Variants in SLC13A1 observed in about 807,000 individuals in gnomAD.
SLC13A1 encodes the protein Na(+)/sulfate cotransporter.
In SLC13A1, 65 loss-of-function variants were observed where a neutral mutation model predicts 70.0. The ratio of observed to expected loss-of-function variants is 0.93; its 90% CI spans 0.76 to 1.14. SLC13A1 has a LOEUF of 1.14. SLC13A1 is among the 50% of genes most tolerant of loss of function. The probability of loss-of-function intolerance (pLI) is 0.00; values close to 1 mark genes in which losing one functional copy is unlikely to be tolerated. For missense variants in SLC13A1, 726 were observed against 717.8 expected (o/e 1.01, Z -0.13); for synonymous variants, 275 against 250.5 (o/e 1.10, Z -0.92).
At chr7:123,166,664 G>A (rs146357807) in intron 6 of SLC13A1, among the ~76,000 whole-genome samples, 26,991 of 151,844 alleles carry the variant, frequency 0.18, 3,084 homozygotes, top group Admixed American at 0.27. Flanking sequence ...TTGTCCTTGC[G>A]ATAGTTTGCT....
At chr7:123,150,713 G>A (rs534222878) in intron 6 of SLC13A1, among the ~76,000 whole-genome samples, 1 of 152,130 alleles carries the variant, frequency 6.6e-6, no homozygotes, top group South Asian at 2.1e-4. Context: ...AGTCCCCTTA[G>A]CAAGCATCTA....
At chr7:123,146,458 T>C (rs549715359) in intron 7 of SLC13A1, among the ~76,000 whole-genome samples, 131 of 152,248 alleles carry the variant, frequency 8.6e-4, no homozygotes, top group African/African-American at 2.9e-3. Context: ...AAAGTTGCAG[T>C]GAGCTGAGAT....
At chr7:123,142,721 G>A (rs934472905) in intron 7 of SLC13A1, among the ~76,000 whole-genome samples, 5 of 141,708 alleles carry the variant, frequency 3.5e-5, no homozygotes, top group African/African-American at 1.1e-4. Context: ...AAATTCAAGC[G>A]ATTCTCCTGC....
At chr7:123,181,239 G>T in intron 1 of SLC13A1, 138 bp from the exon 2 acceptor site, 1 of 778,964 alleles carries the variant, frequency 1.3e-6, no homozygotes, top group Non-Finnish European at 1.9e-6. Flanking sequence ...TCTTTGAGTT[G>T]CCCTCAAATA....
intron 6 of SLC13A1, among the ~76,000 whole-genome samples, chr7:123,152,054 G>A (rs1794575939): frequency 6.6e-6 from 1 of 152,058 alleles, no homozygotes; most frequent in African/African-American, 2.4e-5. Context: ...GAATCTAAAT[G>A]TAGTTAAGGA....
chr7:123,127,274 A>G (rs1793592272), intron 10 of SLC13A1, among the ~76,000 whole-genome samples: 1 of 152,110 alleles, frequency 6.6e-6, no homozygotes, highest in Admixed American at 6.6e-5. Flanking sequence ...GTGCCTGCTC[A>G]TAGCCAATAC....
intron 1 of SLC13A1, among the ~76,000 whole-genome samples, chr7:123,199,231 A>G (rs1796276804): frequency 6.6e-6 from 1 of 152,154 alleles, no homozygotes; most frequent in Non-Finnish European, 1.5e-5. Context: ...TACTCTTAAA[A>G]AGCAAACAAA....
At chr7:123,133,891 G>A (rs929817525) in intron 8 of SLC13A1, among the ~76,000 whole-genome samples, 9 of 151,982 alleles carry the variant, frequency 5.9e-5, no homozygotes, top group African/African-American at 2.2e-4. Context: ...AGGCTGTAGT[G>A]CAGTGGTGTG....
At chr7:123,127,391 A>G (rs1235473256) in intron 10 of SLC13A1, among the ~76,000 whole-genome samples, 1 of 152,094 alleles carries the variant, frequency 6.6e-6, no homozygotes, top group African/African-American at 2.4e-5. Context: ...CCTGGGCTTT[A>G]TTAGCTATCT....
intron 7 of SLC13A1, 84 bp from the exon 8 acceptor site, chr7:123,134,613 C>CTGTGTT: frequency 7.6e-7 from 1 of 1,313,618 alleles, no homozygotes; most frequent in East Asian, 2.4e-5. Context: ...AGCAGTCCAC[C>CTGTGTT]TCTTTCCTGT....
At chr7:123,166,389 A>G (rs532359603) in intron 6 of SLC13A1, among the ~76,000 whole-genome samples, 87 of 87,370 alleles carry the variant, frequency 1.0e-3, no homozygotes, top group African/African-American at 2.8e-3. Flanking sequence ...TTTAAAGCCC[A>G]TTTCTTTATT....
chr7:123,188,971 C>A (rs1029843841), intron 1 of SLC13A1, among the ~76,000 whole-genome samples: 1 of 150,674 alleles, frequency 6.6e-6, no homozygotes, highest in African/African-American at 2.4e-5. Context: ...AAAAATTAGC[C>A]GGGTGTAGTG....
intron 1 of SLC13A1, chr7:123,186,581 T>C: frequency 3.0e-6 from 1 of 337,810 alleles, no homozygotes. Flanking sequence ...TTACCACCAT[T>C]ACACACAATC....
chr7:123,116,016 AT>A (rs1793168926), intron 14 of SLC13A1, among the ~76,000 whole-genome samples: 2 of 152,184 alleles, frequency 1.3e-5, no homozygotes, highest in African/African-American at 4.8e-5. Context: ...TTAGAGGAAA[AT>A]CCCTTAGAAA....
chr7:123,169,007 C>T, intron 4 of SLC13A1, 141 bp downstream of exon 4: 1 of 693,196 alleles, frequency 1.4e-6, no homozygotes, highest in Non-Finnish European at 2.3e-6. Flanking sequence ...TTTGTAGATA[C>T]TGAGAACTAT....
At chr7:123,146,613 C>T (rs1256751824) in intron 7 of SLC13A1, among the ~76,000 whole-genome samples, 2 of 152,092 alleles carry the variant, frequency 1.3e-5, no homozygotes, top group Admixed American at 6.6e-5. Context: ...CCACAGATTC[C>T]CATTTCTGCA....
chr7:123,180,390 T>C (rs1029250699), intron 2 of SLC13A1, among the ~76,000 whole-genome samples: 4 of 152,120 alleles, frequency 2.6e-5, no homozygotes, highest in African/African-American at 9.7e-5. Flanking sequence ...AGACAGTTGT[T>C]CACTGGGTGG....
intron 6 of SLC13A1, among the ~76,000 whole-genome samples, chr7:123,165,661 A>G (rs566545342): frequency 7.5e-4 from 114 of 152,310 alleles, no homozygotes; most frequent in African/African-American, 2.5e-3. Flanking sequence ...AATCAACTCT[A>G]AACTCCTTTG....
At chr7:123,157,713 G>A (rs1425623775) in intron 6 of SLC13A1, among the ~76,000 whole-genome samples, 1 of 151,994 alleles carries the variant, frequency 6.6e-6, no homozygotes, top group East Asian at 1.9e-4. Flanking sequence ...TGCTAAATGA[G>A]ATGCTATTTA....
Sources: allele counts gnomAD v4.1 joint callset (sites outside exome capture counted in the v4.1 genomes callset), GRCh38; gene constraint gnomAD v4.1.1; transcripts MANE v1.5; gene names NCBI Gene and HGNC (gene_info 2026-07-23, HGNC 2026-07-21).